The following ATP1A3 variants were observed in gnomAD, a reference collection of about 807,000 sequenced individuals.
ATP1A3 encodes ATPase Na+/K+ transporting subunit alpha 3, also known as sodium/potassium-transporting ATPase subunit alpha-3.
In ATP1A3, 12 loss-of-function variants were observed where a neutral mutation model predicts 108.8. The ratio of observed to expected loss-of-function variants is 0.11; its 90% CI spans 0.07 to 0.18. The LOEUF (loss-of-function observed/expected upper bound fraction) is 0.18, where lower values mean the gene tolerates loss of function less well. Among genes scored for constraint, ATP1A3 ranks in the 10% least tolerant of loss-of-function variants. The pLI is 1.00. For missense variants in ATP1A3, 498 were observed against 1,387.7 expected, an observed-to-expected ratio of 0.36 and a Z score of 10.19; for synonymous variants, 539 against 564.5, an observed-to-expected ratio of 0.95 and a Z score of 0.64.
chr19:41,984,398 T>C (rs1555864542), intron 8 of ATP1A3: 2 of 155,710 alleles, frequency 1.3e-5, no homozygotes, highest in Admixed American at 1.2e-4. Flanking sequence ...ACTAATTTTG[T>C]ATTTTCAGTA....
intron 15 of ATP1A3, 25 bp downstream of exon 15, chr19:41,976,391 C>G: frequency 6.2e-7 from 1 of 1,614,038 alleles, no homozygotes; most frequent in South Asian, 1.1e-5. Flanking sequence ...GGCCCCGTCC[C>G]CTCCTCTGCG....
At chr19:41,986,739 ATTTTT>A (rs11287033) in intron 4 of ATP1A3, 89 of 96,674 alleles carry the variant, frequency 9.2e-4, no homozygotes, top group South Asian at 2.5e-3. Context: ...CTTTCCTGGC[ATTTTT>A]TTTTTTTTTT....
chr19:41,991,210 C>G (rs2075334869), intron 1 of ATP1A3, among the ~76,000 whole-genome samples: 1 of 152,190 alleles, frequency 6.6e-6, no homozygotes, highest in Admixed American at 6.5e-5. Context: ...GGAGGCTCAG[C>G]GCGGCTCAGC....
rs960374047 is a variant in ATP1A3, at chr19:41,973,289, G to T, written c.2263+2340C>A. On this transcript the variant is annotated intron_variant, in intron 16 of 22. Coordinates refer to ENST00000648268, the MANE Select transcript of ATP1A3 (RefSeq NM_152296.5). ...TGTTTGAGACAGGGTCTCGGATCTC[G>T]CTCTATCCCAGGCTGGAGTGCAGTG... 9.2e-5 allele frequency among the ~76,000 whole-genome samples: 14 copies of T among 152,270 alleles called. No individual in the cohort carries two copies. The East Asian group carries it at 2.7e-3, about 29-fold the overall frequency.
intron 1 of ATP1A3, among the ~76,000 whole-genome samples, chr19:41,991,710 T>C (rs1357406768): frequency 6.6e-6 from 1 of 151,850 alleles, no homozygotes; most frequent in Admixed American, 6.5e-5. Flanking sequence ...GGCCGGACTC[T>C]CAGATACTGA....
chr19:41,982,014 G>A lies in ATP1A3; in HGVS notation c.1086C>T (p.Thr362=), dbSNP rs186453162. ...EAVETLGSTS[T]ICSDKTGTLT... is the part of the protein sequence containing the mutation. Reference sequence around the variant, plus strand: ...GGGTCCCTGTCTTATCTGAGCAGATGGTGGACGTGGAGCCCAGGGTTTCTA... The same window carrying A: ...GGGTCCCTGTCTTATCTGAGCAGATAGTGGACGTGGAGCCCAGGGTTTCTA... Residue 362 remains threonine (T), a synonymous_variant, in exon 9 of 23, where the codon ACC becomes ACT. Transcript: ENST00000648268. 6.4e-5 allele frequency: 103 copies of A among 1,614,198 alleles called. No individual in the cohort carries two copies. The East Asian group carries it at 2.2e-3, about 35-fold the overall frequency.
chr19:41,991,139 C>T (rs1035987850), intron 1 of ATP1A3, among the ~76,000 whole-genome samples: 3 of 152,064 alleles, frequency 2.0e-5, no homozygotes, highest in East Asian at 1.9e-4. Flanking sequence ...AGGGGTGGGG[C>T]GAGGCTGGGT....
At position 41,967,644 on chromosome 19, in the gene ATP1A3, G is replaced by C; in HGVS notation, c.2921+18C>G. 1 of 1,612,844 alleles carries C rather than the reference G, an allele frequency of 6.2e-7. No individual in the cohort carries two copies. The highest frequency in any genetic ancestry group is 8.5e-7 in the Non-Finnish European group (1 of 1,179,302). On this transcript the variant is annotated intron_variant, in intron 21 of 22. Coordinates refer to ENST00000648268, the MANE Select transcript of ATP1A3 (RefSeq NM_152296.5). This position sits in a 1 kb window ranked among gnomAD's most constrained non-coding sequence, Gnocchi z 4.2. Reference sequence around the variant, plus strand: ...CAGGCGCTGGTGTGGGCAGGGCTGGGGGCAGCGGGGCACTCACTTGAGAGG... The same window carrying C: ...CAGGCGCTGGTGTGGGCAGGGCTGGCGGCAGCGGGGCACTCACTTGAGAGG...
Position 41,978,509 on chromosome 19 carries a change from T to C in ATP1A3, c.1630+97A>G. 6.5e-7 allele frequency: 1 copy of C among 1,541,062 alleles called. No individual in the cohort carries two copies. Among genetic ancestry groups the C allele is most frequent in the Non-Finnish European group, 8.9e-7 (1 of 1,126,154 alleles). ...CATTCATTCATTCATTCATTTACAG[T>C]ATATTCTGGGAGGCCCTGGGCTGAG... is the stretch of plus-strand genomic sequence containing the variant. On this transcript the variant is annotated intron_variant, in intron 12 of 22. Coordinates refer to ENST00000648268, the MANE Select transcript of ATP1A3 (RefSeq NM_152296.5). This position sits in a 1 kb window ranked among gnomAD's most constrained non-coding sequence, Gnocchi z 8.3.
In ATP1A3 at chr19:41,988,513, C is replaced by T. The variant is rs782596240; in HGVS notation, c.56G>A (p.Arg19His). 3.1e-6 allele frequency: 5 copies of T among 1,614,190 alleles called. No individual in the cohort carries two copies. The highest frequency in any genetic ancestry group is 1.1e-5 in the South Asian group (1 of 91,084). ...CTTCTTGAGGTCATCCAGGTCCCGG[C>T]GCTCCTTGCCCTTGTTCTTCTTGGG... ...DSPKKNKGKE[R>H]RDLDDLKKEV... The change falls in exon 2 of 23, where the codon CGC becomes CAC. Residue 19 changes from arginine to histidine, a missense_variant. By Grantham distance (29) the Arg-to-His change is conservative. This residue lies in a region of ATP1A3 where 41 missense variants were observed against 59.7 expected (regional missense o/e 0.69). Transcript: ENST00000648268. The surrounding 1 kb of genome is among the most constrained non-coding windows in gnomAD (Gnocchi z 5.3).
intron 11 of ATP1A3, among the ~76,000 whole-genome samples, chr19:41,980,407 A>G (rs1217994440): frequency 6.6e-6 from 1 of 151,916 alleles, no homozygotes; most frequent in African/African-American, 2.4e-5. Flanking sequence ...TGAGGTCAGG[A>G]GTTCAAGACC....
In ATP1A3 at chr19:41,968,995, C is replaced by G; in HGVS notation, c.2689-80G>C. 2 of 1,601,452 alleles carry G rather than the reference C, an allele frequency of 1.2e-6. No homozygotes were observed. The highest frequency in any genetic ancestry group is 1.7e-6 in the Non-Finnish European group (2 of 1,173,640). On this transcript the variant is annotated intron_variant, in intron 19 of 22. Transcript: ENST00000648268. This position sits in a 1 kb window ranked among gnomAD's most constrained non-coding sequence, Gnocchi z 5.0. ...GCCGCCACCCCGACGTTCCGGTGCT[C>G]TTTGCCCCGCCCCATCCTGCATGGG...
chr19:41,983,356 G>A (rs1448088615), intron 8 of ATP1A3, among the ~76,000 whole-genome samples: 1 of 151,980 alleles, frequency 6.6e-6, no homozygotes, highest in Admixed American at 6.6e-5. Flanking sequence ...GGGATTACAG[G>A]CGTGAGCCAC....
intron 8 of ATP1A3, 72 bp downstream of exon 8, chr19:41,984,846 C>T: frequency 2.0e-6 from 3 of 1,520,050 alleles, no homozygotes; most frequent in South Asian, 2.4e-5. Flanking sequence ...AGGATCCCAG[C>T]CCCTCCTCCC....
chr19:41,967,082 A>T lies in ATP1A3; in HGVS notation c.3014-117T>A. 6.4e-7 allele frequency: 1 copy of T among 1,551,894 alleles called. No homozygotes were observed. The highest frequency in any genetic ancestry group is 8.7e-7 in the Non-Finnish European group (1 of 1,147,142). ...GGAGAGAGACAAGGAAACCACACAG[A>T]CAGAGACCCGTGAGAAGACAGAGTG... On this transcript the variant is annotated intron_variant, in intron 22 of 22. Transcript: ENST00000648268. This position sits in a 1 kb window ranked among gnomAD's most constrained non-coding sequence, Gnocchi z 4.2.
At chr19:41,984,096 G>A (rs1327686300) in intron 8 of ATP1A3, among the ~76,000 whole-genome samples, 9 of 151,848 alleles carry the variant, frequency 5.9e-5, no homozygotes, top group Admixed American at 5.3e-4. Flanking sequence ...TGGTAGAGAT[G>A]GGTTCTTACT....
chr19:41,970,236 T>A lies in ATP1A3; in HGVS notation c.2491A>T (p.Thr831Ser), dbSNP rs1555859499. The A allele has an allele frequency of 2.1e-5, 34 of 1,614,212 alleles. No homozygotes were observed. The highest frequency in any genetic ancestry group is 2.6e-5 in the Non-Finnish European group (31 of 1,180,040). The change falls in exon 18 of 23, where the codon ACG (threonine) becomes TCG (serine). Residue 831 changes from threonine (T) to serine (S), a missense_variant. By Grantham distance (58) the Thr-to-Ser change is moderately conservative. Transcript: ENST00000648268. ...AGTCTCTCATTGACCAATTTGTCCG[T>A]CCGCGGGTTCCTGGGCTGTCTCTTC... Reference protein sequence around the residue: ...IMKRQPRNPRTDKLVNERLIS... With the variant: ...IMKRQPRNPRSDKLVNERLIS...
In ATP1A3 at chr19:41,975,795, AC is replaced by A; in HGVS notation, c.2096del (p.Gly699ValfsTer6). The A allele has an allele frequency of 6.2e-7, 1 of 1,613,850 alleles. No individual in the cohort carries two copies. Among genetic ancestry groups the A allele is most frequent in the Non-Finnish European group, 8.5e-7 (1 of 1,179,902 alleles). ...LIIVEGCQRQ[G>X]AIVAVTGDGV... ...CATCCCCGGTCACAGCCACAATTGC[AC>A]CCTGGAGGGAGAGAGGGTAAGGATG... On this transcript the variant is annotated frameshift_variant and splice_region_variant, in exon 16 of 23. Coordinates refer to ENST00000648268, the MANE Select transcript of ATP1A3 (RefSeq NM_152296.5). LOFTEE classifies it high-confidence loss of function.
chr19:41,978,589 G>T lies in ATP1A3; in HGVS notation c.1630+17C>A, dbSNP rs782259548. ...TTGCCCTCCAGGGACCCCAGAGCCC[G>T]CCCGGCAGCCTCGCACCAAGCACGC... On this transcript the variant is annotated intron_variant, in intron 12 of 22. Coordinates refer to ENST00000648268, the MANE Select transcript of ATP1A3 (RefSeq NM_152296.5). The surrounding 1 kb of genome is among the most constrained non-coding windows in gnomAD (Gnocchi z 8.3). 6.2e-7 allele frequency: 1 copy of T among 1,611,818 alleles called. No individual in the cohort carries two copies. The highest frequency in any genetic ancestry group is 1.3e-5 in the African/African-American group (1 of 74,982).
Sources: gnomAD v4.1 joint callset for allele counts (sites outside exome capture counted in the v4.1 genomes callset) on GRCh38, gnomAD v4.1.1 for gene constraint, gnomAD v4.1.1 regional missense constraint, Gnocchi (gnomAD v3.1) non-coding constraint, MANE v1.5 for transcripts, NCBI Gene and HGNC (gene_info 2026-07-23, HGNC 2026-07-21) for gene names.